Variants in OVCH1 observed in about 807,000 individuals in gnomAD.
OVCH1 encodes the protein ovochymase 1.
OVCH1 carries 139 observed loss-of-function variants against 138.4 expected under a neutral mutation model. The ratio of observed to expected loss-of-function variants is 1.00; its 90% CI spans 0.87 to 1.16. The LOEUF (loss-of-function observed/expected upper bound fraction) is 1.16, where lower values mean the gene tolerates loss of function less well. Ranked by LOEUF, OVCH1 falls within the 50% of genes most tolerant of loss-of-function variation. The probability of loss-of-function intolerance (pLI) is 0.00; values close to 1 mark genes in which losing one functional copy is unlikely to be tolerated. For synonymous variants in OVCH1, 453 were observed against 467.8 expected (o/e 0.97, Z 0.41); for missense variants, 1,367 against 1,357.9 (o/e 1.01, Z -0.11).
chr12:29,492,990 T>G (rs1162164951), intron 4 of OVCH1, among the ~76,000 whole-genome samples: 1 of 152,196 alleles, frequency 6.6e-6, no homozygotes, highest in East Asian at 1.9e-4. Context: ...ACTTTGAATT[T>G]AGCAACATAG....
chr12:29,418,884 G>C (rs980920103), intron 3 of OVCH1, among the ~76,000 whole-genome samples: 1 of 152,130 alleles, frequency 6.6e-6, no homozygotes, highest in African/African-American at 2.4e-5. Flanking sequence ...TTAGAGATAT[G>C]GTATTGCACT....
chr12:29,478,582 C>CT (rs1214151433), intron 9 of OVCH1, among the ~76,000 whole-genome samples: 1 of 152,116 alleles, frequency 6.6e-6, no homozygotes, highest in Admixed American at 6.6e-5. Context: ...CTCTTACTCC[C>CT]TCCCCTTAAC....
intron 13 of OVCH1, among the ~76,000 whole-genome samples, 173 bp from the exon 14 acceptor site, chr12:29,475,362 C>T (rs891658792): frequency 4.6e-5 from 7 of 152,134 alleles, no homozygotes; most frequent in Admixed American, 1.3e-4. Flanking sequence ...AATAACAATG[C>T]GCTGTAATTT....
intron 7 of OVCH1, chr12:29,486,820 T>TA (rs1157261699): frequency 4.7e-6 from 2 of 423,534 alleles, no homozygotes; most frequent in African/African-American, 4.1e-5. Context: ...ATTGCTCTTG[T>TA]AAAATCTCAT....
chr12:29,487,952 A>T, intron 6 of OVCH1, 70 bp from the exon 7 acceptor site: 1 of 1,397,604 alleles, frequency 7.2e-7, no homozygotes, highest in Non-Finnish European at 9.6e-7. Context: ...ATTTCTGTAA[A>T]CATCAGCACT....
rs1003970032 is a variant in OVCH1 at position 29,414,736 on chromosome 12, GA to G, written c.*72-2012del. 5.7e-4 allele frequency among the ~76,000 whole-genome samples: 86 copies of G among 151,268 alleles called. 2 individuals are homozygous for G. Among genetic ancestry groups the G allele is most frequent in the East Asian group, 4.1e-3 (21 of 5,156 alleles). On this transcript the variant is annotated intron_variant and NMD_transcript_variant, in intron 3 of 4. Coordinates refer to the OVCH1 transcript ENST00000539117. ...TTATTTTAAGGCAATCCTAGACCTG[GA>G]AAAAAAAAATATATATACAAGGATA...
chr12:29,469,379 A>C (rs903431046), intron 16 of OVCH1, among the ~76,000 whole-genome samples: 1 of 152,174 alleles, frequency 6.6e-6, no homozygotes, highest in Non-Finnish European at 1.5e-5. Flanking sequence ...TACAAAAAAA[A>C]CAGATGAGGT....
chr12:29,440,961 A>G (rs1941469586), intron 25 of OVCH1, among the ~76,000 whole-genome samples: 1 of 152,198 alleles, frequency 6.6e-6, no homozygotes, highest in African/African-American at 2.4e-5. Context: ...TTACTTCATT[A>G]CGCATTGGTA....
intron 22 of OVCH1, among the ~76,000 whole-genome samples, chr12:29,449,673 A>ACC (rs1941724707): frequency 6.6e-6 from 1 of 151,990 alleles, no homozygotes; most frequent in Non-Finnish European, 1.5e-5. Context: ...TGGTGTATAG[A>ACC]AATGCTTTTG....
rs1565595394 is a variant in OVCH1 at position 29,471,995 on chromosome 12, T to G, written c.1676-13A>C. On this transcript the variant is annotated splice_polypyrimidine_tract_variant and intron_variant, in intron 15 of 27. Coordinates refer to ENST00000318184, the Ensembl canonical transcript of OVCH1. ...ATGCCACAGACATCTACAGTAAAGA[T>G]GAAACCAATGACCCATAAGGTTGCA... 6.3e-7 allele frequency: 1 copy of G among 1,599,024 alleles called. No homozygotes were observed. The highest frequency in any genetic ancestry group is 1.3e-5 in the African/African-American group (1 of 74,402).
At chr12:29,417,417 T>C (rs7962424) in intron 3 of OVCH1, among the ~76,000 whole-genome samples, 69,472 of 143,226 alleles carry the variant, frequency 0.49, 17,258 homozygotes, top group Middle Eastern at 0.59. Flanking sequence ...GAGCCAAGAT[T>C]GTGCCACTGC....
intron 16 of OVCH1, among the ~76,000 whole-genome samples, chr12:29,471,156 T>A (rs761103945): frequency 6.6e-6 from 1 of 152,186 alleles, no homozygotes; most frequent in Non-Finnish European, 1.5e-5. Flanking sequence ...CTTCCTAAAC[T>A]GGATGCTGGG....
intron 9 of OVCH1, chr12:29,477,706 C>T: frequency 5.5e-6 from 6 of 1,096,158 alleles, no homozygotes; most frequent in Middle Eastern, 6.1e-4. Flanking sequence ...TTCTTCAGGG[C>T]CTAACTCAAA....
intron 8 of OVCH1, among the ~76,000 whole-genome samples, chr12:29,485,317 TA>T (rs869216306): frequency 0.019 from 1,691 of 89,832 alleles, 19 homozygotes; most frequent in African/African-American, 0.057. Flanking sequence ...ACCCAGTCTT[TA>T]AAAAAAAAAA....
intron 4 of OVCH1, among the ~76,000 whole-genome samples, chr12:29,491,771 A>G (rs1943279168): frequency 6.6e-6 from 1 of 152,220 alleles, no homozygotes; most frequent in Non-Finnish European, 1.5e-5. Flanking sequence ...AAAATGTAGC[A>G]CACTAAAAAC....
At chr12:29,424,713 T>A (rs1941154350), downstream of OVCH1, among the ~76,000 whole-genome samples, 1 of 152,184 alleles carries the variant, frequency 6.6e-6, no homozygotes, top group Non-Finnish European at 1.5e-5. Context: ...AAAATGGAGA[T>A]AATAACTCCA....
chr12:29,442,131 C>T (rs1435783953), intron 25 of OVCH1, among the ~76,000 whole-genome samples: 1 of 151,628 alleles, frequency 6.6e-6, no homozygotes, highest in Non-Finnish European at 1.5e-5. Context: ...GGTATATACC[C>T]AAAGGACTAT....
chr12:29,445,566 A>G (rs1293132184), intron 22 of OVCH1, among the ~76,000 whole-genome samples, 163 bp from the exon 23 acceptor site: 1 of 152,126 alleles, frequency 6.6e-6, no homozygotes, highest in African/African-American at 2.4e-5. Context: ...ACTCAATGCC[A>G]CAAACTAGCC....
intron 27 of OVCH1, among the ~76,000 whole-genome samples, chr12:29,433,267 A>G (rs1941301532): frequency 6.6e-6 from 1 of 152,132 alleles, no homozygotes; most frequent in East Asian, 1.9e-4. Context: ...TAATTGAATC[A>G]TGGGGGTGGG....
Sources: gnomAD v4.1 joint callset for allele counts (sites outside exome capture counted in the v4.1 genomes callset) on GRCh38, gnomAD v4.1.1 for gene constraint, MANE v1.5 for transcripts, NCBI Gene and HGNC (gene_info 2026-07-23, HGNC 2026-07-21) for gene names.